DLG2: variants seen among roughly 807,000 people sequenced by gnomAD.
DLG2 encodes disks large homolog 2.
A neutral mutation model predicts 132.5 loss-of-function variants in DLG2; 45 were observed. The ratio of observed to expected loss-of-function variants is 0.34; its 90% confidence interval spans 0.27 to 0.44. The LOEUF is 0.44. Among genes scored for constraint, DLG2 ranks in the 20% least tolerant of loss-of-function variants. The pLI is 1.00. For synonymous variants in DLG2, 424 were observed against 419.6 expected, an observed-to-expected ratio of 1.01 and a Z score of -0.13; for missense variants, 1,045 against 1,196.9, an observed-to-expected ratio of 0.87 and a Z score of 1.87.
chr11:84,305,970 T>C (rs2098213483), intron 7 of DLG2, among the ~76,000 whole-genome samples: 2 of 152,194 alleles, frequency 1.3e-5, no homozygotes, highest in African/African-American at 4.8e-5. Flanking sequence ...AAAACAACTT[T>C]ATTAATGAAA....
intron 6 of DLG2, among the ~76,000 whole-genome samples, chr11:84,627,971 A>G (rs760538500): frequency 1.3e-5 from 2 of 152,062 alleles, no homozygotes; most frequent in Non-Finnish European, 2.9e-5. Flanking sequence ...GGGGATTACA[A>G]TTCAACATGA....
Position 83,736,277 on chromosome 11 carries a change from T to C in DLG2, c.1825+50413A>G, listed in dbSNP as rs117551399. On this transcript the variant is annotated intron_variant, in intron 18 of 27. Coordinates refer to ENST00000376104, the MANE Select transcript of DLG2 (RefSeq NM_001142699.3). ...GTGTCCCTGAGCAGATTAGATTACT[T>C]AGCTTCTCTGTCTCTCAGTGTCCTC... Among the ~76,000 whole-genome samples the C allele has an allele frequency of 5.5e-4, 84 of 152,298 alleles. No individual in the cohort carries two copies. The East Asian group carries it at 0.014, about 25-fold the overall frequency.
At chr11:85,252,238 C>T (rs541631046) in intron 4 of DLG2, among the ~76,000 whole-genome samples, 17 of 152,224 alleles carry the variant, frequency 1.1e-4, no homozygotes, top group East Asian at 1.9e-4. Context: ...ACTGAATCAA[C>T]GGCGTAAGAT....
chr11:85,245,268 TCA>T (rs2076076947), intron 4 of DLG2, among the ~76,000 whole-genome samples: 2 of 151,904 alleles, frequency 1.3e-5, no homozygotes, highest in African/African-American at 4.8e-5. Context: ...AATTTCAAGT[TCA>T]GTCTATAAAA....
chr11:83,785,581 A>T (rs753941202), intron 18 of DLG2, among the ~76,000 whole-genome samples: 1 of 152,266 alleles, frequency 6.6e-6, no homozygotes, highest in Non-Finnish European at 1.5e-5. Context: ...ATTAATTTCA[A>T]ATTCTAATTC....
At chr11:85,504,375 G>C (rs1156959073) in intron 3 of DLG2, among the ~76,000 whole-genome samples, 2 of 152,064 alleles carry the variant, frequency 1.3e-5, no homozygotes, top group African/African-American at 2.4e-5. Flanking sequence ...AATCCATCTT[G>C]AATTAATTTT....
intron 7 of DLG2, among the ~76,000 whole-genome samples, chr11:84,387,474 A>C (rs2098775500): frequency 6.6e-6 from 1 of 152,240 alleles, no homozygotes; most frequent in East Asian, 1.9e-4. Flanking sequence ...ATAAATAGCC[A>C]ACTATGGTCA....
At chr11:84,777,316 TATATATA>T (rs2070822230) in intron 6 of DLG2, among the ~76,000 whole-genome samples, 1 of 124,790 alleles carries the variant, frequency 8.0e-6, no homozygotes, top group African/African-American at 3.1e-5. Flanking sequence ...TATATATATA[TATATATA>T]TACGTTTTCT....
chr11:83,669,489 T>A (rs1271303023), intron 18 of DLG2, among the ~76,000 whole-genome samples: 1 of 152,178 alleles, frequency 6.6e-6, no homozygotes, highest in East Asian at 1.9e-4. Context: ...CAATACACAA[T>A]TAAGGCTCAC....
chr11:84,337,837 A>G lies in DLG2; in HGVS notation c.520-86546T>C, dbSNP rs1365828175. 2.0e-5 allele frequency among the ~76,000 whole-genome samples: 3 copies of G among 152,212 alleles called. No homozygotes were observed. The East Asian group carries it at 5.8e-4, about 29-fold the overall frequency. The stretch of plus-strand genomic sequence containing the variant: ...TAGAAATGAAGGAAAGTTTCTCTCC[A>G]ACATACCACTATTAAGGAAGAAACA... On this transcript the variant is annotated intron_variant, in intron 7 of 27. Coordinates refer to ENST00000376104, the MANE Select transcript of DLG2 (RefSeq NM_001142699.3).
chr11:84,444,962 C>T (rs940167220), intron 7 of DLG2, among the ~76,000 whole-genome samples: 12 of 152,018 alleles, frequency 7.9e-5, no homozygotes, highest in Non-Finnish European at 1.5e-5. Flanking sequence ...GCCACCACGC[C>T]GAGCTAATTT....
rs536921296 is a variant in DLG2, at chr11:85,564,860, T to C, written c.40+33797A>G. Among the ~76,000 whole-genome samples, 74 of 152,140 alleles carry C rather than the reference T, an allele frequency of 4.9e-4. 2 individuals are homozygous for C. The highest frequency in any genetic ancestry group is 1.6e-3 in the African/African-American group (68 of 41,576). On this transcript the variant is annotated intron_variant, in intron 3 of 27. Coordinates refer to ENST00000376104, the MANE Select transcript of DLG2 (RefSeq NM_001142699.3). ...ACTAGCATCTTAACAATATTGAATT[T>C]CCCAAGCAATGAACAAAAAATATCT...
chr11:84,782,270 C>G (rs2071948825), intron 6 of DLG2, among the ~76,000 whole-genome samples: 1 of 151,896 alleles, frequency 6.6e-6, no homozygotes. Context: ...AAATATTTAT[C>G]CAAAATAATA....
At chr11:84,700,013 T>G (rs1215442685) in intron 6 of DLG2, among the ~76,000 whole-genome samples, 1 of 151,562 alleles carries the variant, frequency 6.6e-6, no homozygotes, top group African/African-American at 2.4e-5. Context: ...CTACCTAATA[T>G]GCCAATATGA....
At chr11:84,771,822 G>T (rs532930609) in intron 6 of DLG2, among the ~76,000 whole-genome samples, 1 of 151,852 alleles carries the variant, frequency 6.6e-6, no homozygotes, top group Non-Finnish European at 1.5e-5. Context: ...TGCTCTAAAT[G>T]CCTCACGTAA....
intron 18 of DLG2, among the ~76,000 whole-genome samples, chr11:83,771,664 T>C (rs1220485103): frequency 6.6e-6 from 1 of 152,208 alleles, no homozygotes; most frequent in Non-Finnish European, 1.5e-5. Flanking sequence ...TATTATAATC[T>C]TATAAGACCA....
At chr11:85,280,751 A>G (rs2078172389) in intron 4 of DLG2, among the ~76,000 whole-genome samples, 1 of 152,062 alleles carries the variant, frequency 6.6e-6, no homozygotes, top group Non-Finnish European at 1.5e-5. Context: ...GGTGATATGC[A>G]CCTCAGTATA....
intron 3 of DLG2, among the ~76,000 whole-genome samples, chr11:85,573,748 C>T (rs1290571050): frequency 1.3e-5 from 2 of 152,174 alleles, no homozygotes; most frequent in South Asian, 2.1e-4. Context: ...AGAACTCTGA[C>T]AATTTCAAAA....
intron 11 of DLG2, among the ~76,000 whole-genome samples, chr11:84,015,959 C>T: frequency 6.6e-6 from 1 of 152,176 alleles, no homozygotes; most frequent in East Asian, 1.9e-4. Context: ...AATCCTCACA[C>T]TGTCTTCCAC....
Sources: allele counts gnomAD v4.1 joint callset (sites outside exome capture counted in the v4.1 genomes callset), GRCh38; gene constraint gnomAD v4.1.1; transcripts MANE v1.5; gene names NCBI Gene and HGNC (gene_info 2026-07-23, HGNC 2026-07-21).